The following CPNE4 variants were observed in gnomAD, a reference collection of about 807,000 sequenced individuals.
CPNE4 encodes the protein copine-4.
CPNE4 carries 25 observed loss-of-function variants against 67.9 expected under a neutral mutation model. The observed-to-expected ratio is 0.37, with a 90% CI of 0.27 to 0.51. The LOEUF is 0.51. Ranked by LOEUF, CPNE4 falls within the 20% of genes least tolerant of loss-of-function variation. The probability of loss-of-function intolerance (pLI) is 0.93; values close to 1 mark genes in which losing one functional copy is unlikely to be tolerated. For synonymous variants in CPNE4, 242 were observed against 244.9 expected (o/e 0.99, Z 0.11); for missense variants, 464 against 690.8 (o/e 0.67, Z 3.68).
At chr3:131,842,161 G>T (rs2107621467) in intron 2 of CPNE4, among the ~76,000 whole-genome samples, 1 of 152,362 alleles carries the variant, frequency 6.6e-6, no homozygotes, top group Non-Finnish European at 1.5e-5. Flanking sequence ...AGAGAGATGA[G>T]AAAGCATATT....
chr3:131,702,403 C>G (rs532548671), intron 3 of CPNE4, among the ~76,000 whole-genome samples: 2 of 152,080 alleles, frequency 1.3e-5, no homozygotes, highest in African/African-American at 2.4e-5. Context: ...TTTCTCTGCA[C>G]GTTTTTTCCA....
chr3:131,987,663 G>A (rs1284063741), intron 1 of CPNE4, among the ~76,000 whole-genome samples: 1 of 151,970 alleles, frequency 6.6e-6, no homozygotes, highest in Non-Finnish European at 1.5e-5. Flanking sequence ...GCTGGGATTA[G>A]AATAAATACC....
chr3:131,610,475 A>C lies in CPNE4; in HGVS notation c.682-22893T>G, dbSNP rs191104286. 3.1e-4 allele frequency among the ~76,000 whole-genome samples: 47 copies of C among 152,226 alleles called. No homozygotes were observed. In the East Asian group the frequency reaches 7.9e-3, roughly 26 times the overall value. On this transcript the variant is annotated intron_variant, in intron 7 of 15. Transcript: ENST00000429747. ...TGGAGGGCTGTCCTGAGACTGCTAGATTGTTCTCCTTGAGTGTGCAGTACT... is the reference window on the plus strand; with the variant it reads ...TGGAGGGCTGTCCTGAGACTGCTAGCTTGTTCTCCTTGAGTGTGCAGTACT...
chr3:131,891,303 A>G (rs2088103585), intron 2 of CPNE4, among the ~76,000 whole-genome samples: 1 of 152,060 alleles, frequency 6.6e-6, no homozygotes, highest in African/African-American at 2.4e-5. Context: ...AAATTTAGGT[A>G]TGTGGGTTGT....
intron 7 of CPNE4, among the ~76,000 whole-genome samples, chr3:131,652,430 A>G (rs79742183): frequency 0.054 from 8,225 of 152,228 alleles, 749 homozygotes; most frequent in African/African-American, 0.19. Context: ...ACACTTGCCC[A>G]TACCGGGAAA....
At chr3:131,691,337 A>C (rs2081028614) in intron 5 of CPNE4, among the ~76,000 whole-genome samples, 1 of 152,192 alleles carries the variant, frequency 6.6e-6, no homozygotes, top group African/African-American at 2.4e-5. Flanking sequence ...GATAAAGAAA[A>C]TTTGGCACTT....
chr3:131,615,475 T>A (rs1264474470), intron 7 of CPNE4, among the ~76,000 whole-genome samples: 1 of 152,214 alleles, frequency 6.6e-6, no homozygotes, highest in African/African-American at 2.4e-5. Context: ...TACACTTTGA[T>A]AAAGTAAATT....
chr3:131,857,106 T>C (rs917895142), intron 2 of CPNE4, among the ~76,000 whole-genome samples: 4 of 152,070 alleles, frequency 2.6e-5, no homozygotes, highest in Admixed American at 6.6e-5. Flanking sequence ...GATTGTGCAA[T>C]GAGAGAAAGA....
At chr3:131,740,533 CTGT>C (rs1339930010) in intron 2 of CPNE4, among the ~76,000 whole-genome samples, 2 of 152,158 alleles carry the variant, frequency 1.3e-5, no homozygotes, top group Non-Finnish European at 2.9e-5. Context: ...CCACCAAATC[CTGT>C]TGTCTTACCT....
intron 3 of CPNE4, among the ~76,000 whole-genome samples, chr3:131,720,200 T>C (rs888670939): frequency 6.6e-6 from 1 of 152,054 alleles, no homozygotes; most frequent in Non-Finnish European, 1.5e-5. Context: ...CTCTTTGTGA[T>C]ATTTGGAGTT....
At chr3:131,749,202 C>G (rs1263262404) in intron 2 of CPNE4, among the ~76,000 whole-genome samples, 1 of 152,112 alleles carries the variant, frequency 6.6e-6, no homozygotes, top group Non-Finnish European at 1.5e-5. Flanking sequence ...CAGGATAATA[C>G]AAGCTTCACC....
chr3:131,644,422 T>C (rs72983610), intron 7 of CPNE4, among the ~76,000 whole-genome samples: 22,599 of 152,108 alleles, frequency 0.15, 2,052 homozygotes, highest in African/African-American at 0.25. Context: ...GCTGGGATTA[T>C]AGGTGTGAGC....
intron 1 of CPNE4, among the ~76,000 whole-genome samples, chr3:131,999,839 C>G (rs1193929080): frequency 6.6e-6 from 1 of 151,938 alleles, no homozygotes; most frequent in African/African-American, 2.4e-5. Flanking sequence ...GTGATGGAGA[C>G]AAGTACTGGG....
intron 2 of CPNE4, among the ~76,000 whole-genome samples, chr3:131,738,844 TTTTC>T (rs2082296091): frequency 8.4e-6 from 1 of 118,382 alleles, no homozygotes; most frequent in African/African-American, 2.7e-5. Context: ...CATCATGTCT[TTTTC>T]TTTTTCTTTT....
At chr3:132,031,805 A>AT (rs1046107330) in intron 1 of CPNE4, among the ~76,000 whole-genome samples, 20 of 151,722 alleles carry the variant, frequency 1.3e-4, no homozygotes, top group Admixed American at 4.6e-4. Context: ...CCATTAACCC[A>AT]TTTTTTTTGG....
intron 2 of CPNE4, among the ~76,000 whole-genome samples, chr3:131,792,608 T>TGTGTGTATATGTGTATATATATATACAC (rs1553772125): frequency 1.1e-5 from 1 of 91,368 alleles, no homozygotes; most frequent in Non-Finnish European, 2.3e-5. Context: ...TATATGTGTG[T>TGTGTGTATATGTGTATATATATATACAC]GTGTATATAT....
At chr3:131,818,204 C>G (rs2084822372) in intron 2 of CPNE4, among the ~76,000 whole-genome samples, 1 of 152,122 alleles carries the variant, frequency 6.6e-6, no homozygotes, top group African/African-American at 2.4e-5. Flanking sequence ...TATAAAAACA[C>G]CACAGGATTT....
chr3:131,567,577 A>G (rs1937123902), intron 10 of CPNE4, among the ~76,000 whole-genome samples: 1 of 151,946 alleles, frequency 6.6e-6, no homozygotes. Context: ...CTTTACCTCC[A>G]ATACTGACCC....
chr3:131,816,992 G>C (rs2084767658), intron 2 of CPNE4, among the ~76,000 whole-genome samples: 1 of 152,158 alleles, frequency 6.6e-6, no homozygotes, highest in Admixed American at 6.6e-5. Context: ...TCAAAATTAA[G>C]ACATAGAACA....
Sources: gnomAD v4.1 joint callset for allele counts (sites outside exome capture counted in the v4.1 genomes callset) on GRCh38, gnomAD v4.1.1 for gene constraint, MANE v1.5 for transcripts, NCBI Gene and HGNC (gene_info 2026-07-23, HGNC 2026-07-21) for gene names.